The following BRCA1 variants were observed in gnomAD, a reference collection of about 807,000 sequenced individuals.
BRCA1 encodes the protein breast cancer type 1 susceptibility protein.
BRCA1 carries 140 observed loss-of-function variants against 173.7 expected under a neutral mutation model. The ratio of observed to expected loss-of-function variants is 0.81; its 90% CI spans 0.70 to 0.93. The LOEUF is 0.93. Among genes scored for constraint, BRCA1 ranks in the 40% least tolerant of loss-of-function variants. BRCA1 has a pLI of 0.00. For missense variants in BRCA1, 1,983 were observed against 2,172.5 expected, an observed-to-expected ratio of 0.91 and a Z score of 1.73; for synonymous variants, 662 against 756.0, an observed-to-expected ratio of 0.88 and a Z score of 2.04.
chr17:43,052,803 ACACACACACACACACACACACT>A (rs1475252631), intron 19 of BRCA1, among the ~76,000 whole-genome samples: 1,437 of 117,936 alleles, frequency 0.012, 18 homozygotes, highest in African/African-American at 0.039. Flanking sequence ...ACACACACAC[ACACACACACACACACACACACT>A]CTCTTACTTT....
chr17:43,107,569 C>T (rs1232117492), intron 3 of BRCA1, among the ~76,000 whole-genome samples: 1 of 151,842 alleles, frequency 6.6e-6, no homozygotes, highest in African/African-American at 2.4e-5. Context: ...TTTAGTTTCA[C>T]CATGTTGGCT....
chr17:43,135,138 C>G (rs2056006462), intron 1 of BRCA1, among the ~76,000 whole-genome samples: 1 of 152,270 alleles, frequency 6.6e-6, no homozygotes, highest in African/African-American at 2.4e-5. Context: ...TAGTTCCTAA[C>G]CCACGCCTGA....
At chr17:43,065,321 C>T (rs1293020827) in intron 16 of BRCA1, among the ~76,000 whole-genome samples, 1 of 152,056 alleles carries the variant, frequency 6.6e-6, no homozygotes, top group Non-Finnish European at 1.5e-5. Flanking sequence ...AGTTCAACGG[C>T]AATGTGTCCA....
At chr17:43,050,530 T>C (rs2051162530) in intron 20 of BRCA1, among the ~76,000 whole-genome samples, 1 of 151,530 alleles carries the variant, frequency 6.6e-6, no homozygotes, top group Non-Finnish European at 1.5e-5. Flanking sequence ...GGAGAATCAC[T>C]TGAACCCGGG....
In BRCA1 at chr17:43,095,941, G is replaced by T. The variant is rs1567803295; in HGVS notation, c.594-19C>A. 1 of 1,589,870 alleles carries T rather than the reference G, an allele frequency of 6.3e-7. No individual in the cohort carries two copies. Among genetic ancestry groups the T allele is most frequent in the Non-Finnish European group, 8.6e-7 (1 of 1,159,020 alleles). On this transcript the variant is annotated intron_variant, in intron 8 of 22. Coordinates refer to ENST00000357654, the MANE Select transcript of BRCA1 (RefSeq NM_007294.4). Reference sequence around the variant, plus strand: ...TCCCACACTATAGGGAAAAGACAGAGTCCTAATAAGAAACACTAGTTACAT... The same window carrying T: ...TCCCACACTATAGGGAAAAGACAGATTCCTAATAAGAAACACTAGTTACAT...
At chr17:43,086,382 C>T (rs2053231797) in intron 11 of BRCA1, among the ~76,000 whole-genome samples, 1 of 151,688 alleles carries the variant, frequency 6.6e-6, no homozygotes. Context: ...TCTGTAAAAA[C>T]AAACAAAAAC....
rs757949570 is a variant in BRCA1 at position 43,116,762 on chromosome 17, G to A, written c.81-983C>T. Among the ~76,000 whole-genome samples the A allele has an allele frequency of 1.3e-3, 200 of 152,088 alleles. 2 individuals carry two copies. The highest frequency in any genetic ancestry group is 2.5e-3 in the Non-Finnish European group (173 of 68,012). On this transcript the variant is annotated intron_variant, in intron 2 of 22. Coordinates refer to ENST00000357654, the MANE Select transcript of BRCA1 (RefSeq NM_007294.4). ...TTGAACTCCTGACCTCAGGTGATCC[G>A]CCTGCCTTGGCCTCCCAAAGTGCTG... is the stretch of plus-strand genomic sequence containing the variant.
At chr17:43,157,718 T>C (rs552424115) in intron 1 of BRCA1, among the ~76,000 whole-genome samples, 143 of 144,504 alleles carry the variant, frequency 9.9e-4, no homozygotes, top group Non-Finnish European at 1.7e-3. Context: ...TAAAAAAATC[T>C]GGGCGCAGTG....
intron 15 of BRCA1, among the ~76,000 whole-genome samples, chr17:43,069,826 A>C (rs1196206671): frequency 6.6e-6 from 1 of 152,210 alleles, no homozygotes; most frequent in Non-Finnish European, 1.5e-5. Context: ...GATATTTCAG[A>C]ATGACTTGGT....
At chr17:43,101,835 C>CAT (rs2054489336) in intron 6 of BRCA1, among the ~76,000 whole-genome samples, 2 of 152,048 alleles carry the variant, frequency 1.3e-5, no homozygotes, top group African/African-American at 4.8e-5. Flanking sequence ...CTCCATCATT[C>CAT]ATGCACATAT....
intron 18 of BRCA1, among the ~76,000 whole-genome samples, chr17:43,062,798 T>C (rs1056705189): frequency 6.6e-6 from 1 of 152,074 alleles, no homozygotes; most frequent in Non-Finnish European, 1.5e-5. Flanking sequence ...GGTTTCACCA[T>C]GTTGCCCAGG....
At chr17:43,137,592 AT>A (rs1220884877) in intron 1 of BRCA1, among the ~76,000 whole-genome samples, 2 of 152,108 alleles carry the variant, frequency 1.3e-5, no homozygotes, top group African/African-American at 2.4e-5. Context: ...CAGAACCTGA[AT>A]TTCCTGGCGG....
chr17:43,147,257 TC>T (rs1483656053), intron 1 of BRCA1, among the ~76,000 whole-genome samples: 1 of 152,180 alleles, frequency 6.6e-6, no homozygotes, highest in Non-Finnish European at 1.5e-5. Context: ...TGGCACGATC[TC>T]GGCTCACGGC....
At chr17:43,134,151 A>G (rs2055995911) in intron 1 of BRCA1, among the ~76,000 whole-genome samples, 2 of 152,116 alleles carry the variant, frequency 1.3e-5, no homozygotes, top group African/African-American at 4.8e-5. Context: ...TTTTTCTTGT[A>G]CAAGTCACAT....
intron 1 of BRCA1, among the ~76,000 whole-genome samples, chr17:43,135,711 T>C (rs2056015330): frequency 6.6e-6 from 1 of 152,212 alleles, no homozygotes; most frequent in Admixed American, 6.5e-5. Flanking sequence ...CCACTTCTGC[T>C]TCAGGCTCAG....
In BRCA1 at chr17:43,091,856, G is replaced by A. The variant is rs879254023; in HGVS notation, c.3675C>T (p.Cys1225=). 1 of 1,614,168 alleles carries A rather than the reference G, an allele frequency of 6.2e-7. No homozygotes were observed. The highest frequency in any genetic ancestry group is 1.1e-5 in the South Asian group (1 of 91,078). ...CTTTACCAAATAACAAGTGTTGGAA[G>A]CAGGGAAGCTCTTCATCCTCACTAG... The part of the protein sequence containing the change: ...NLSSEDEELP[C]FQHLLFGKVN... The change falls in exon 10 of 23, where the codon TGC becomes TGT. Residue 1225 remains cysteine, a synonymous_variant. Coordinates refer to ENST00000357654, the MANE Select transcript of BRCA1 (RefSeq NM_007294.4).
At chr17:43,120,354 C>A (rs1327920653) in intron 2 of BRCA1, among the ~76,000 whole-genome samples, 1 of 152,208 alleles carries the variant, frequency 6.6e-6, no homozygotes, top group Non-Finnish European at 1.5e-5. Flanking sequence ...CATGATCATT[C>A]CTGATCACAT....
At chr17:43,099,957 C>A (rs113716879) in intron 6 of BRCA1, 77 bp from the exon 7 acceptor site, 3 of 1,123,762 alleles carry the variant, frequency 2.7e-6, no homozygotes, top group Non-Finnish European at 4.1e-6. Flanking sequence ...AAACTTGACA[C>A]CATGGACAAA....
intron 6 of BRCA1, among the ~76,000 whole-genome samples, chr17:43,100,201 ATG>A (rs2054322886): frequency 6.6e-6 from 1 of 152,046 alleles, no homozygotes; most frequent in Non-Finnish European, 1.5e-5. Context: ...TGTGTGGGAT[ATG>A]TGTGATTTGA....
Sources: allele counts gnomAD v4.1 joint callset (sites outside exome capture counted in the v4.1 genomes callset), GRCh38; gene constraint gnomAD v4.1.1; transcripts MANE v1.5; gene names NCBI Gene and HGNC (gene_info 2026-07-23, HGNC 2026-07-21).